The following DNAAF10 variants were observed in gnomAD, a reference collection of about 807,000 sequenced individuals.
DNAAF10 encodes dynein axonemal assembly factor 10.
DNAAF10 carries 28 observed loss-of-function variants against 43.7 expected under a neutral mutation model. The ratio of observed to expected loss-of-function variants is 0.64; its 90% confidence interval spans 0.48 to 0.88. DNAAF10 has a LOEUF of 0.88. DNAAF10 is among the 40% of genes least tolerant of loss of function. The pLI, the probability that DNAAF10 is intolerant of heterozygous loss-of-function variation, is 0.00. For missense variants in DNAAF10, 403 were observed against 439.1 expected (o/e 0.92, Z 0.73); for synonymous variants, 156 against 157.3 (o/e 0.99, Z 0.06).
chr2:68,155,731 G>C (rs1251335259), intron 1 of DNAAF10, among the ~76,000 whole-genome samples: 1 of 151,898 alleles, frequency 6.6e-6, no homozygotes, highest in Non-Finnish European at 1.5e-5. Flanking sequence ...AAAATGCAAT[G>C]TAAAGAAATT....
At chr2:68,131,606 A>G (rs944319142) in intron 7 of DNAAF10, among the ~76,000 whole-genome samples, 161 bp from the exon 8 acceptor site, 3 of 152,200 alleles carry the variant, frequency 2.0e-5, no homozygotes, top group Non-Finnish European at 4.4e-5. Flanking sequence ...TAAAGAGACA[A>G]TTTCAACCTC....
In DNAAF10 at chr2:68,157,106, A is replaced by C. The variant is rs1673642219; in HGVS notation, c.183+155T>G. The C allele has an allele frequency of 5.7e-6, 6 of 1,046,950 alleles. No homozygotes were observed. The South Asian group carries it at 6.5e-5, about 11-fold the overall frequency. The allele number at this position is 1,046,950 out of a possible 1,614,324, so 64.9% of individuals were successfully genotyped here. On this transcript the variant is annotated intron_variant, in intron 1 of 7. Transcript: ENST00000295121. ...GATGAGAAGAAAGGTTTTAAATAGGAAACATTCCTCAGTCGGCGGTCAGCT... is the reference window on the plus strand; with the variant it reads ...GATGAGAAGAAAGGTTTTAAATAGGCAACATTCCTCAGTCGGCGGTCAGCT...
chr2:68,148,933 A>G (rs765049643), intron 1 of DNAAF10, among the ~76,000 whole-genome samples: 2 of 152,188 alleles, frequency 1.3e-5, no homozygotes, highest in Non-Finnish European at 1.5e-5. Flanking sequence ...AAGGCAGATC[A>G]TGGTACACTG....
chr2:68,147,149 G>A (rs1673336988), intron 2 of DNAAF10, among the ~76,000 whole-genome samples: 1 of 152,010 alleles, frequency 6.6e-6, no homozygotes, highest in South Asian at 2.1e-4. Flanking sequence ...TTTATATACT[G>A]TATTTTTAAA....
chr2:68,146,114 T>C (rs1439221246), intron 2 of DNAAF10, among the ~76,000 whole-genome samples: 1 of 152,018 alleles, frequency 6.6e-6, no homozygotes, highest in Non-Finnish European at 1.5e-5. Flanking sequence ...ACACAAAAAA[T>C]TGCCAGGCGT....
At chr2:68,141,939 C>G in intron 3 of DNAAF10, 144 bp from the exon 4 acceptor site, 1 of 675,900 alleles carries the variant, frequency 1.5e-6, no homozygotes. Flanking sequence ...GTTCTGACTT[C>G]TAATTGGGTA....
intron 2 of DNAAF10, among the ~76,000 whole-genome samples, chr2:68,147,219 T>C (rs1673338917): frequency 6.6e-6 from 1 of 152,166 alleles, no homozygotes; most frequent in East Asian, 1.9e-4. Context: ...AGCACCAAAC[T>C]GCGTGTGTGA....
chr2:68,144,769 T>C lies in DNAAF10; in HGVS notation c.285-54A>G, dbSNP rs1299581799. ...ACATATCCCAAACATATAAGTCTAC[T>C]ACTGAAATTCAAAAAGATATATTAT... On this transcript the variant is annotated intron_variant, in intron 2 of 7. Coordinates refer to ENST00000295121, the MANE Select transcript of DNAAF10 (RefSeq NM_138458.4). The C allele has an allele frequency of 3.9e-6, 6 of 1,550,168 alleles. No individual in the cohort carries two copies. In the Admixed American group the frequency reaches 1.4e-4, roughly 36 times the overall value.
chr2:68,133,215 T>C (rs1281257528), intron 7 of DNAAF10, among the ~76,000 whole-genome samples: 1 of 152,128 alleles, frequency 6.6e-6, no homozygotes, highest in Non-Finnish European at 1.5e-5. Context: ...GAAACCATAT[T>C]GGTTGTTTGT....
intron 2 of DNAAF10, among the ~76,000 whole-genome samples, chr2:68,145,219 G>GAA (rs1049611275): frequency 3.3e-5 from 4 of 120,520 alleles, no homozygotes; most frequent in Non-Finnish European, 5.3e-5. Context: ...CCCTGTTTCA[G>GAA]AAAAAAAAAA....
At position 68,141,737 on chromosome 2, in the gene DNAAF10, A is replaced by C; in HGVS notation, c.474T>G (p.Pro158=). The C allele has an allele frequency of 1.9e-6, 3 of 1,614,160 alleles. No individual in the cohort carries two copies. Among genetic ancestry groups the C allele is most frequent in the Non-Finnish European group, 2.5e-6 (3 of 1,180,010 alleles). Residue 158 remains proline, a synonymous_variant, in exon 4 of 8, where the codon CCT becomes CCG. Transcript: ENST00000295121. ...AGTCTCTCTTGTTTTCTCCTTGTAC[A>C]GGTTCCATATTAGCAACAGGATCAT... ...QKDDPVANME[P]VQGENKRDCW...
Position 68,130,932 on chromosome 2 carries a change from TTTTG to T in DNAAF10, c.*302_*305del. On this transcript the variant is annotated 3_prime_UTR_variant, in exon 8 of 8. Transcript: ENST00000295121. ...CCAAAGTCTTTTTTTTTTTTTTTTT[TTTTG>T]AGACAGTCTTGCTCAGTTGCCCAGG... The T allele has an allele frequency of 5.8e-6, 1 of 172,886 alleles. No homozygotes were observed. Among genetic ancestry groups the T allele is most frequent in the Non-Finnish European group, 1.2e-5 (1 of 82,172 alleles). 10.7% of individuals were successfully genotyped at this position (172,886 alleles called of 1,614,324 possible).
chr2:68,135,623 T>C (rs1001362336), intron 6 of DNAAF10, among the ~76,000 whole-genome samples: 3 of 152,218 alleles, frequency 2.0e-5, no homozygotes, highest in African/African-American at 7.2e-5. Context: ...GGGCTGGCTA[T>C]CGTGGTACAC....
In DNAAF10 at chr2:68,157,316, G is replaced by A; in HGVS notation, c.128C>T (p.Thr43Ile). 6.2e-7 allele frequency: 1 copy of A among 1,614,158 alleles called. No individual in the cohort carries two copies. The highest frequency in any genetic ancestry group is 8.5e-7 in the Non-Finnish European group (1 of 1,180,020). The part of the protein sequence containing the change: ...FVTMGNFARG[T>I]GVIQLYEIQH... ...GATCTCGTACAGCTGAATGACGCCG[G>A]TGCCCCGTGCGAAGTTGCCCATGGT... Residue 43 changes from threonine to isoleucine, a missense_variant, in exon 1 of 8, where the codon ACC (threonine) becomes ATC (isoleucine). By Grantham distance (89) the Thr-to-Ile change is moderately conservative. Transcript: ENST00000295121.
chr2:68,134,885 C>A, intron 6 of DNAAF10, 86 bp from the exon 7 acceptor site: 1 of 1,441,046 alleles, frequency 6.9e-7, no homozygotes. Flanking sequence ...ACTCTTACAA[C>A]TATAATTTCA....
Position 68,131,120 on chromosome 2 carries a change from A to C in DNAAF10, c.*118T>G, listed in dbSNP as rs1672921300. ...TTTTTAGTAGAGACGGGGTTTCACC[A>C]TGTTAGCCAGGATGGTCTCGATCTC... On this transcript the variant is annotated 3_prime_UTR_variant, in exon 8 of 8. Transcript: ENST00000295121. 1.0e-6 allele frequency: 1 copy of C among 989,186 alleles called. No individual in the cohort carries two copies. The highest frequency in any genetic ancestry group is 1.5e-6 in the Non-Finnish European group (1 of 649,466). 61.3% of individuals were successfully genotyped at this position (989,186 alleles called of 1,614,324 possible).
intron 2 of DNAAF10, among the ~76,000 whole-genome samples, chr2:68,146,925 A>G (rs1673330949): frequency 6.6e-6 from 1 of 152,184 alleles, no homozygotes; most frequent in South Asian, 2.1e-4. Flanking sequence ...TCCACTCTAA[A>G]TAAGAAACAA....
chr2:68,137,174 G>T, intron 6 of DNAAF10, 125 bp downstream of exon 6: 1 of 1,124,906 alleles, frequency 8.9e-7, no homozygotes. Context: ...AGATCTCACA[G>T]GAATATATCA....
rs748838415 is a variant in DNAAF10, at chr2:68,137,279, G to T, written c.768+20C>A. On this transcript the variant is annotated intron_variant, in intron 6 of 7. Transcript: ENST00000295121. ...AAGCTATCATTCTTCTTCATAGAAA[G>T]ACATTTCCCTCATATTTACCTTTTC... 1.9e-6 allele frequency: 3 copies of T among 1,601,068 alleles called. 1 individual carries two copies. The South Asian group carries it at 3.4e-5, about 18-fold the overall frequency.
Sources: gnomAD v4.1 joint callset for allele counts (sites outside exome capture counted in the v4.1 genomes callset) on GRCh38, gnomAD v4.1.1 for gene constraint, MANE v1.5 for transcripts, NCBI Gene and HGNC (gene_info 2026-07-23, HGNC 2026-07-21) for gene names.